The following SETBP1 variants were observed in gnomAD, a reference collection of about 807,000 sequenced individuals.
SETBP1 encodes SET binding protein 1.
SETBP1 carries 9 observed loss-of-function variants against 101.0 expected under a neutral mutation model. The observed-to-expected ratio is 0.09, with a 90% CI of 0.05 to 0.16. The LOEUF (loss-of-function observed/expected upper bound fraction) is 0.16. Among genes scored for constraint, SETBP1 ranks in the 10% least tolerant of loss-of-function variants. SETBP1 has a pLI of 1.00. For synonymous variants in SETBP1, 818 were observed against 788.5 expected, an observed-to-expected ratio of 1.04 and a Z score of -0.63; for missense variants, 1,858 against 2,033.8, an observed-to-expected ratio of 0.91 and a Z score of 1.66.
intron 2 of SETBP1, among the ~76,000 whole-genome samples, chr18:44,816,169 G>A (rs2071971641): frequency 1.3e-5 from 2 of 152,216 alleles, no homozygotes; most frequent in Admixed American, 1.3e-4. Flanking sequence ...GGCAGGTGGG[G>A]AAGGGAACAG....
chr18:44,839,801 G>T (rs1468121221), intron 2 of SETBP1, among the ~76,000 whole-genome samples: 3 of 152,200 alleles, frequency 2.0e-5, no homozygotes. Context: ...AACATTTGTG[G>T]AATGAATAGA....
intron 2 of SETBP1, among the ~76,000 whole-genome samples, chr18:44,761,811 T>C (rs532960471): frequency 6.6e-6 from 1 of 152,362 alleles, no homozygotes; most frequent in East Asian, 1.9e-4. Flanking sequence ...CAATTGTTTT[T>C]CTTTCCTTTT....
intron 3 of SETBP1, among the ~76,000 whole-genome samples, chr18:44,872,553 C>G (rs1036610359): frequency 6.6e-6 from 1 of 152,232 alleles, no homozygotes; most frequent in African/African-American, 2.4e-5. Context: ...ACAACCCATT[C>G]CTTTTGCAGG....
intron 3 of SETBP1, among the ~76,000 whole-genome samples, chr18:44,912,557 A>G (rs1263694931): frequency 6.6e-6 from 1 of 152,066 alleles, no homozygotes; most frequent in African/African-American, 2.4e-5. Flanking sequence ...AGCTGGGACT[A>G]CAGGCACCTG....
intron 2 of SETBP1, among the ~76,000 whole-genome samples, chr18:44,844,353 G>GCGCACACACA (rs1406482456): frequency 6.3e-4 from 87 of 138,300 alleles, no homozygotes; most frequent in African/African-American, 2.4e-3. Flanking sequence ...ACACACGCGC[G>GCGCACACACA]CACACACACA....
intron 2 of SETBP1, among the ~76,000 whole-genome samples, chr18:44,764,943 G>A (rs2070734917): frequency 6.6e-6 from 1 of 152,188 alleles, no homozygotes; most frequent in African/African-American, 2.4e-5. Context: ...ATAGTGCCTG[G>A]CACAGAGTGC....
intron 3 of SETBP1, among the ~76,000 whole-genome samples, chr18:44,874,997 G>T (rs529536177): frequency 4.5e-4 from 69 of 152,336 alleles, no homozygotes; most frequent in Non-Finnish European, 7.8e-4. Flanking sequence ...TTCAAGGAGG[G>T]TCTATGTATT....
chr18:45,027,423 G>C (rs2073189566), intron 4 of SETBP1, among the ~76,000 whole-genome samples: 1 of 152,106 alleles, frequency 6.6e-6, no homozygotes, highest in African/African-American at 2.4e-5. Context: ...AATGTCTCAT[G>C]ATTTCAGTCT....
intron 2 of SETBP1, among the ~76,000 whole-genome samples, chr18:44,861,936 A>G (rs912083328): frequency 2.5e-4 from 38 of 152,198 alleles, no homozygotes; most frequent in Admixed American, 1.2e-3. Flanking sequence ...ATTAAGTTCA[A>G]CATAAAACAA....
At chr18:44,889,541 G>A (rs2069722066) in intron 3 of SETBP1, among the ~76,000 whole-genome samples, 1 of 152,144 alleles carries the variant, frequency 6.6e-6, no homozygotes, top group African/African-American at 2.4e-5. Context: ...GGAGCTCAGA[G>A]CGTTGCTAAG....
At chr18:44,769,285 G>A (rs1180856216) in intron 2 of SETBP1, among the ~76,000 whole-genome samples, 3 of 152,154 alleles carry the variant, frequency 2.0e-5, no homozygotes, top group East Asian at 1.9e-4. Context: ...GCTCAACCTC[G>A]GGAAGCTTTG....
intron 4 of SETBP1, among the ~76,000 whole-genome samples, chr18:44,989,677 G>A (rs1006036822): frequency 5.3e-5 from 8 of 151,196 alleles, no homozygotes; most frequent in South Asian, 4.2e-4. Context: ...AGACCATCCC[G>A]GCTAAAACGG....
intron 2 of SETBP1, among the ~76,000 whole-genome samples, chr18:44,748,634 G>C (rs149151411): frequency 6.6e-6 from 1 of 152,004 alleles, no homozygotes; most frequent in Non-Finnish European, 1.5e-5. Flanking sequence ...TGCGTGTGCA[G>C]GCACCATGTG....
At chr18:44,942,988 A>C (rs1229882193) in intron 3 of SETBP1, among the ~76,000 whole-genome samples, 1 of 152,204 alleles carries the variant, frequency 6.6e-6, no homozygotes, top group Non-Finnish European at 1.5e-5. Context: ...TGGAAACTTC[A>C]TATTCGTTTA....
Position 44,788,788 on chromosome 18 carries a change from TA to T in SETBP1, c.487-80440del, listed in dbSNP as rs1489839287. On this transcript the variant is annotated intron_variant, in intron 2 of 5. Coordinates refer to ENST00000649279, the MANE Select transcript of SETBP1 (RefSeq NM_015559.3). ...GAAACTGATTTTTTTTTTTCCTTTT[TA>T]ATTTTTTTTTTTTTTTTTTTTTTTT... 5.9e-3 allele frequency among the ~76,000 whole-genome samples: 835 copies of T among 141,290 alleles called. 7 individuals carry two copies. Among genetic ancestry groups the T allele is most frequent in the African/African-American group, 0.021 (788 of 37,212 alleles). The allele number at this position is 141,290 out of a possible 152,430, so 92.7% of individuals were successfully genotyped here.
At chr18:45,017,027 C>G (rs1264976765) in intron 4 of SETBP1, among the ~76,000 whole-genome samples, 2 of 152,134 alleles carry the variant, frequency 1.3e-5, no homozygotes, top group Non-Finnish European at 2.9e-5. Flanking sequence ...GCCTTTTTGT[C>G]TCGTCCTTTG....
chr18:44,798,145 C>T (rs2071522478), intron 2 of SETBP1, among the ~76,000 whole-genome samples: 1 of 152,020 alleles, frequency 6.6e-6, no homozygotes, highest in Admixed American at 6.6e-5. Context: ...CTTAGGAGGA[C>T]CATAATCACA....
At chr18:44,862,459 C>G (rs1032109737) in intron 2 of SETBP1, among the ~76,000 whole-genome samples, 4 of 152,196 alleles carry the variant, frequency 2.6e-5, no homozygotes, top group Non-Finnish European at 4.4e-5. Context: ...GAGTATATAA[C>G]TTGCTTCTTA....
chr18:44,715,067 C>A (rs1448656473), intron 2 of SETBP1, among the ~76,000 whole-genome samples: 1 of 152,176 alleles, frequency 6.6e-6, no homozygotes, highest in Non-Finnish European at 1.5e-5. Context: ...GGGACTCAAA[C>A]CCTCAGGTCT....
Sources: allele counts gnomAD v4.1 joint callset (sites outside exome capture counted in the v4.1 genomes callset), GRCh38; gene constraint gnomAD v4.1.1; transcripts MANE v1.5; gene names NCBI Gene and HGNC (gene_info 2026-07-23, HGNC 2026-07-21).